The following DYNC2H1 variants were observed in gnomAD, a reference collection of about 807,000 sequenced individuals.
DYNC2H1 encodes cytoplasmic dynein 2 heavy chain 1.
In DYNC2H1, 410 loss-of-function variants were observed where a neutral mutation model predicts 570.0. The observed-to-expected ratio is 0.72, with a 90% confidence interval of 0.66 to 0.78. DYNC2H1 has a LOEUF of 0.78. DYNC2H1 is among the 30% of genes least tolerant of loss of function. DYNC2H1 has a pLI of 0.00. For synonymous variants in DYNC2H1, 1,688 were observed against 1,677.6 expected (o/e 1.01, Z -0.15); for missense variants, 4,865 against 5,046.4 (o/e 0.96, Z 1.09).
intron 47 of DYNC2H1, among the ~76,000 whole-genome samples, chr11:103,192,864 T>A (rs1173592901): frequency 6.6e-6 from 1 of 152,150 alleles, no homozygotes; most frequent in East Asian, 1.9e-4. Context: ...AAGATTGCAA[T>A]ATGGAAATAT....
chr11:103,266,159 G>A (rs531509302), intron 70 of DYNC2H1, among the ~76,000 whole-genome samples: 11 of 152,300 alleles, frequency 7.2e-5, no homozygotes, highest in South Asian at 6.2e-4. Context: ...TTCATAGTGC[G>A]GTTACAGTGG....
Position 103,222,062 on chromosome 11 carries a change from T to C in DYNC2H1, c.9140T>C (p.Ile3047Thr), listed in dbSNP as rs781640745. 1.2e-6 allele frequency: 2 copies of C among 1,612,122 alleles called. No individual in the cohort carries two copies. The highest frequency in any genetic ancestry group is 1.7e-5 in the Admixed American group (1 of 59,920). Residue 3047 changes from isoleucine (I) to threonine (T), a missense_variant, in exon 58 of 89, where the codon ATA (isoleucine) becomes ACA (threonine). By Grantham distance (89) the Ile-to-Thr change is moderately conservative (BLOSUM62 -1). Coordinates refer to ENST00000375735, the MANE Select transcript of DYNC2H1 (RefSeq NM_001377.3). The part of the protein sequence containing the change: ...FLAKRGVRED[I>T]ATFDARNISK... ...GCAAAAAGAGGTGTAAGAGAAGACA[T>C]AGCAACCTTTGATGCCCGAAATATT...
intron 77 of DYNC2H1, among the ~76,000 whole-genome samples, chr11:103,307,376 T>C (rs1867341489): frequency 6.6e-6 from 1 of 152,154 alleles, no homozygotes; most frequent in African/African-American, 2.4e-5. Flanking sequence ...GAACTTACTA[T>C]GTATCAGGCA....
intron 81 of DYNC2H1, 154 bp downstream of exon 81, chr11:103,321,391 CT>C: frequency 1.1e-6 from 1 of 899,822 alleles, no homozygotes; most frequent in Non-Finnish European, 1.7e-6. Flanking sequence ...ATTCTTTCAA[CT>C]TTAGTGAGGC....
chr11:103,238,077 AAGGTGT>A (rs1864289841), intron 63 of DYNC2H1, among the ~76,000 whole-genome samples: 2 of 152,148 alleles, frequency 1.3e-5, no homozygotes, highest in African/African-American at 4.8e-5. Context: ...TCTCAGTTTT[AAGGTGT>A]ACTAGATTTA....
chr11:103,117,395 A>G (rs1225576357), intron 5 of DYNC2H1, among the ~76,000 whole-genome samples: 1 of 151,380 alleles, frequency 6.6e-6, no homozygotes, highest in East Asian at 1.9e-4. Context: ...TATACTTAAA[A>G]GGTGTAATGG....
chr11:103,240,493 C>T (rs1315930930), intron 63 of DYNC2H1, among the ~76,000 whole-genome samples: 2 of 152,018 alleles, frequency 1.3e-5, no homozygotes, highest in Non-Finnish European at 2.9e-5. Context: ...TATTTTCTAC[C>T]ACCAGAGATA....
rs1433742194 is a variant in DYNC2H1, at chr11:103,173,209, A to C, written c.5462A>C (p.Asp1821Ala). 5.0e-6 allele frequency: 8 copies of C among 1,603,260 alleles called. No individual in the cohort carries two copies. Among genetic ancestry groups the C allele is most frequent in the Non-Finnish European group, 6.8e-6 (8 of 1,174,752 alleles). The change falls in exon 35 of 89, where the codon GAC (aspartate) becomes GCC (alanine). Residue 1821 changes from aspartate (D) to alanine (A), a missense_variant. Asp to Ala is a moderately radical substitution (Grantham distance 126, BLOSUM62 -2). Transcript: ENST00000375735. ...LFRPVAMSHP[D>A]NELIAEVILY... ...AGGCCCGTAGCTATGTCTCATCCAGACAATGAGCTTATTGCAGAAGTTATT... is the reference window on the plus strand; with the variant it reads ...AGGCCCGTAGCTATGTCTCATCCAGCCAATGAGCTTATTGCAGAAGTTATT...
intron 59 of DYNC2H1, among the ~76,000 whole-genome samples, chr11:103,226,017 T>G (rs1863788544): frequency 6.6e-6 from 1 of 152,068 alleles, no homozygotes; most frequent in Non-Finnish European, 1.5e-5. Flanking sequence ...TTAGTGTGGT[T>G]GCAGTTGGTG....
At chr11:103,231,373 G>T in intron 60 of DYNC2H1, 27 bp downstream of exon 60, 1 of 1,456,312 alleles carries the variant, frequency 6.9e-7, no homozygotes, top group South Asian at 1.2e-5. Flanking sequence ...AGTGTATTTT[G>T]GATAATGCTG....
At chr11:103,126,907 G>A (rs1184515529) in intron 12 of DYNC2H1, among the ~76,000 whole-genome samples, 1 of 152,074 alleles carries the variant, frequency 6.6e-6, no homozygotes, top group Non-Finnish European at 1.5e-5. Context: ...CAAAGTGCTG[G>A]GATTACAGGC....
At chr11:103,269,130 T>A (rs992780) in intron 70 of DYNC2H1, among the ~76,000 whole-genome samples, 16,920 of 152,192 alleles carry the variant, frequency 0.11, 975 homozygotes, top group Non-Finnish European at 0.12. Flanking sequence ...TTGCTTACTT[T>A]GAATAATACT....
chr11:103,154,879 C>T, intron 24 of DYNC2H1, 70 bp downstream of exon 24: 1 of 1,111,484 alleles, frequency 9.0e-7, no homozygotes, highest in Non-Finnish European at 1.2e-6. Flanking sequence ...AGTGACTGAA[C>T]TATATAATTT....
rs1342635694 is a variant in DYNC2H1, at chr11:103,280,101, A to T, written c.10696-247A>T. ...TAGTTTTGTTTTGTTTTTTAATGAC[A>T]TGGGCCCACTGCATAATTGTTAGTG... is the stretch of plus-strand genomic sequence containing the variant. On this transcript the variant is annotated intron_variant, in intron 70 of 88. Coordinates refer to ENST00000375735, the MANE Select transcript of DYNC2H1 (RefSeq NM_001377.3). The surrounding 1 kb of genome is among the most constrained non-coding windows in gnomAD (Gnocchi z 4.7). Among the ~76,000 whole-genome samples, 1 of 152,096 alleles carries T rather than the reference A, an allele frequency of 6.6e-6. No homozygotes were observed. Among genetic ancestry groups the T allele is most frequent in the African/African-American group, 2.4e-5 (1 of 41,448 alleles).
At position 103,465,972 on chromosome 11, in the gene DYNC2H1, G is replaced by A. The variant is rs1030234694; in HGVS notation, c.12649-2617G>A. Among the ~76,000 whole-genome samples the A allele has an allele frequency of 6.6e-6, 1 of 152,156 alleles. No homozygotes were observed. The highest frequency in any genetic ancestry group is 2.4e-5 in the African/African-American group (1 of 41,428). Reference sequence around the variant, plus strand: ...GCAGCCAAGCTTACTTGGCAAAGGGGTGCATATTAGGAGGAGAGGAATGTT... The same window carrying A: ...GCAGCCAAGCTTACTTGGCAAAGGGATGCATATTAGGAGGAGAGGAATGTT... On this transcript the variant is annotated intron_variant, in intron 87 of 88. Coordinates refer to ENST00000375735, the MANE Select transcript of DYNC2H1 (RefSeq NM_001377.3). This position sits in a 1 kb window ranked among gnomAD's most constrained non-coding sequence, Gnocchi z 4.9.
intron 79 of DYNC2H1, among the ~76,000 whole-genome samples, chr11:103,312,906 T>C (rs1309890731): frequency 1.3e-5 from 2 of 152,196 alleles, no homozygotes; most frequent in Non-Finnish European, 1.5e-5. Flanking sequence ...GTTCTTGATA[T>C]GTTGTGTTTC....
intron 84 of DYNC2H1, chr11:103,402,416 A>T (rs922362614): frequency 6.6e-6 from 1 of 152,134 alleles, no homozygotes; most frequent in Non-Finnish European, 1.5e-5. Flanking sequence ...ATATCACGTC[A>T]TCATTGGTAT....
chr11:103,167,903 C>T (rs1038920219), intron 31 of DYNC2H1, among the ~76,000 whole-genome samples: 1 of 152,118 alleles, frequency 6.6e-6, no homozygotes, highest in African/African-American at 2.4e-5. Context: ...CATGTGTTCC[C>T]TCGTAGCCAA....
Position 103,166,908 on chromosome 11 carries a change from A to T in DYNC2H1, c.4762+860A>T, listed in dbSNP as rs114502334. Among the ~76,000 whole-genome samples, 4 of 147,766 alleles carry T rather than the reference A, an allele frequency of 2.7e-5. No homozygotes were observed. In the Admixed American group the frequency reaches 2.7e-4, roughly 10 times the overall value. ...TTTCTTCAAACATTCTTCCTGTATT[A>T]TACTCTTTCTCCTATATTCTGAGTT... On this transcript the variant is annotated intron_variant, in intron 31 of 88. Transcript: ENST00000375735.
Sources: gnomAD v4.1 joint callset for allele counts (sites outside exome capture counted in the v4.1 genomes callset) on GRCh38, gnomAD v4.1.1 for gene constraint, Gnocchi (gnomAD v3.1) non-coding constraint, MANE v1.5 for transcripts, NCBI Gene and HGNC (gene_info 2026-07-23, HGNC 2026-07-21) for gene names.